DAB1: variants seen among roughly 807,000 people sequenced by gnomAD.
The protein encoded by DAB1 is DAB adaptor protein 1.
DAB1 carries 15 observed loss-of-function variants against 64.6 expected under a neutral mutation model. The ratio of observed to expected loss-of-function variants is 0.23; its 90% CI spans 0.16 to 0.36. The LOEUF is 0.36. Among genes scored for constraint, DAB1 ranks in the 10% least tolerant of loss-of-function variants. DAB1 has a pLI of 1.00. For missense variants in DAB1, 596 were observed against 706.7 expected, an observed-to-expected ratio of 0.84 and a Z score of 1.78; for synonymous variants, 235 against 251.9, an observed-to-expected ratio of 0.93 and a Z score of 0.64.
chr1:57,029,404 G>A (rs1251771408), intron 9 of DAB1, among the ~76,000 whole-genome samples: 1 of 152,208 alleles, frequency 6.6e-6, no homozygotes, highest in Non-Finnish European at 1.5e-5. Flanking sequence ...CAGTGTGGAA[G>A]GGAAATGTGT....
At chr1:58,180,665 A>ATT (rs1341312064) in intron 4 of DAB1, among the ~76,000 whole-genome samples, 1 of 151,804 alleles carries the variant, frequency 6.6e-6, no homozygotes, top group African/African-American at 2.4e-5. Context: ...GACCCCACAA[A>ATT]TTTTGATGCT....
At chr1:57,809,865 C>T (rs141925473) in intron 6 of DAB1, among the ~76,000 whole-genome samples, 2 of 152,208 alleles carry the variant, frequency 1.3e-5, no homozygotes, top group African/African-American at 2.4e-5. Context: ...TCCTACTGTG[C>T]CTCTCCTCCT....
At chr1:57,352,041 T>C (rs1271078118) in intron 1 of DAB1, among the ~76,000 whole-genome samples, 1 of 152,138 alleles carries the variant, frequency 6.6e-6, no homozygotes, top group Non-Finnish European at 1.5e-5. Context: ...AAACATTAGA[T>C]GTGAACCCCC....
In DAB1 at chr1:57,873,391, T is replaced by G. The variant is rs550973494; in HGVS notation, n.87+10608A>C. 1.5e-4 allele frequency among the ~76,000 whole-genome samples: 23 copies of G among 152,260 alleles called. No individual in the cohort carries two copies. The South Asian group carries it at 4.8e-3, about 32-fold the overall frequency. ...CTTAGCAAGGTAACATTGAAAGAACTTGAAAAAACCTTGTACTGGAGTAGA... is the reference window on the plus strand; with the variant it reads ...CTTAGCAAGGTAACATTGAAAGAACGTGAAAAAACCTTGTACTGGAGTAGA... On this transcript the variant is annotated intron_variant and non_coding_transcript_variant, in intron 1 of 1. Coordinates refer to the DAB1 transcript ENST00000477280.
At chr1:57,633,550 G>A (rs1046256892) in intron 7 of DAB1, among the ~76,000 whole-genome samples, 5 of 152,286 alleles carry the variant, frequency 3.3e-5, no homozygotes, top group African/African-American at 1.2e-4. Context: ...TGGGAAGGGA[G>A]GGACAGAGTG....
chr1:58,230,000 C>T (rs1241149620), intron 4 of DAB1, among the ~76,000 whole-genome samples: 1 of 152,194 alleles, frequency 6.6e-6, no homozygotes, highest in Non-Finnish European at 1.5e-5. Context: ...GTATGCCATG[C>T]AGACTGTGCA....
At chr1:57,312,372 A>G (rs1219955656) in intron 1 of DAB1, among the ~76,000 whole-genome samples, 1 of 152,048 alleles carries the variant, frequency 6.6e-6, no homozygotes, top group Non-Finnish European at 1.5e-5. Context: ...TCTCTCCCTT[A>G]GTAGTCACTC....
intron 2 of DAB1, among the ~76,000 whole-genome samples, chr1:57,169,691 G>T (rs1359308895): frequency 6.6e-6 from 1 of 152,046 alleles, no homozygotes; most frequent in Non-Finnish European, 1.5e-5. Context: ...AACTAATCAG[G>T]CTCCTTATCC....
chr1:57,664,315 G>A (rs894450751), intron 6 of DAB1, among the ~76,000 whole-genome samples: 6 of 152,074 alleles, frequency 3.9e-5, no homozygotes, highest in African/African-American at 1.4e-4. Context: ...AGTACATTTA[G>A]GAATAAAGAT....
chr1:58,439,721 C>G (rs1569789420), intron 3 of DAB1, among the ~76,000 whole-genome samples: 1 of 152,260 alleles, frequency 6.6e-6, no homozygotes, highest in South Asian at 2.1e-4. Flanking sequence ...TAGTAAGTGA[C>G]AGAGAAAGAT....
chr1:57,023,745 G>A (rs1005439481), intron 10 of DAB1, 106 bp from the exon 11 acceptor site: 1 of 721,882 alleles, frequency 1.4e-6, no homozygotes, highest in African/African-American at 1.7e-5. Context: ...GGGGTCCACA[G>A]TTCAAGCCAC....
chr1:57,156,860 C>T (rs1660270842), intron 2 of DAB1, among the ~76,000 whole-genome samples: 1 of 152,196 alleles, frequency 6.6e-6, no homozygotes, highest in Admixed American at 6.5e-5. Flanking sequence ...CCATTTTCCA[C>T]AGACCTCGAA....
At chr1:58,212,664 CATCTT>C (rs1392702083) in intron 4 of DAB1, among the ~76,000 whole-genome samples, 1 of 152,172 alleles carries the variant, frequency 6.6e-6, no homozygotes, top group Non-Finnish European at 1.5e-5. Context: ...AACTTAAACT[CATCTT>C]ATCTCATATT....
intron 3 of DAB1, among the ~76,000 whole-genome samples, chr1:58,367,971 T>C (rs1258554230): frequency 4.6e-5 from 7 of 152,210 alleles, no homozygotes; most frequent in African/African-American, 1.7e-4. Context: ...TTTGAACCAA[T>C]GCCATTACAT....
intron 5 of DAB1, among the ~76,000 whole-genome samples, chr1:58,094,989 G>A (rs531049254): frequency 6.6e-6 from 1 of 152,278 alleles, no homozygotes; most frequent in South Asian, 2.1e-4. Context: ...AAGCATTTTA[G>A]GTTTTTGGGA....
chr1:57,174,697 ACC>A (rs1662117428), intron 2 of DAB1, among the ~76,000 whole-genome samples: 2 of 151,990 alleles, frequency 1.3e-5, no homozygotes, highest in South Asian at 4.2e-4. Flanking sequence ...CTTTGGATTG[ACC>A]CCCACTCTTC....
chr1:58,432,643 C>A (rs1396684129), intron 3 of DAB1, among the ~76,000 whole-genome samples: 1 of 152,216 alleles, frequency 6.6e-6, no homozygotes, highest in Non-Finnish European at 1.5e-5. Context: ...CACTCCTCCC[C>A]CTGCCCCAAC....
intron 5 of DAB1, among the ~76,000 whole-genome samples, chr1:57,981,654 C>A (rs1646068548): frequency 6.6e-6 from 1 of 152,286 alleles, no homozygotes; most frequent in Admixed American, 6.5e-5. Flanking sequence ...TTGTGACTAT[C>A]CTTGCCCAAA....
chr1:57,540,544 C>T (rs1217871375), intron 7 of DAB1, among the ~76,000 whole-genome samples: 1 of 152,140 alleles, frequency 6.6e-6, no homozygotes, highest in Non-Finnish European at 1.5e-5. Context: ...TGAAATCAAC[C>T]TAGGTGTCCA....
Sources: allele counts gnomAD v4.1 joint callset (sites outside exome capture counted in the v4.1 genomes callset), GRCh38; gene constraint gnomAD v4.1.1; transcripts MANE v1.5; gene names NCBI Gene and HGNC (gene_info 2026-07-23, HGNC 2026-07-21).